Variants in DPH6 observed in about 807,000 individuals in gnomAD.
The protein encoded by DPH6 is diphthine--ammonia ligase.
A neutral mutation model predicts 38.2 loss-of-function variants in DPH6; 33 were observed. The observed-to-expected ratio is 0.86, with a 90% CI of 0.65 to 1.15. DPH6 has a LOEUF of 1.15. Among genes scored for constraint, DPH6 ranks in the 50% most tolerant of loss-of-function variants. DPH6 has a pLI of 0.00. For synonymous variants in DPH6, 108 were observed against 103.0 expected (o/e 1.05, Z -0.30); for missense variants, 325 against 320.0 (o/e 1.02, Z -0.12).
chr15:35,516,701 CT>C (rs1207103906), intron 3 of DPH6, among the ~76,000 whole-genome samples: 1 of 152,140 alleles, frequency 6.6e-6, no homozygotes, highest in Non-Finnish European at 1.5e-5. Context: ...TTTTCAACCA[CT>C]TTTTTGGTCT....
intron 5 of DPH6, among the ~76,000 whole-genome samples, chr15:35,432,817 T>C (rs1342193722): frequency 6.6e-6 from 1 of 152,096 alleles, no homozygotes; most frequent in East Asian, 1.9e-4. Context: ...TGAGTACACA[T>C]GGACACAAAG....
chr15:35,218,940 G>A (rs992460765), exon 4 of DPH6: 2 of 152,052 alleles, frequency 1.3e-5, no homozygotes, highest in African/African-American at 4.8e-5. Flanking sequence ...TTAAATCAGG[G>A]TCCTTTTCTG....
chr15:35,208,690 T>C, the DPH6 span, among the ~76,000 whole-genome samples: 1 of 152,234 alleles, frequency 6.6e-6, no homozygotes, highest in South Asian at 2.1e-4. Flanking sequence ...TGCTACATGA[T>C]TTTAATTGTA....
rs1377566357 is a variant in DPH6 at position 35,371,456 on chromosome 15, A to T, written c.*694T>A. On this transcript the variant is annotated 3_prime_UTR_variant, in exon 9 of 9. Transcript: ENST00000256538. ...GGGGAGGCTGTGAATGTGTGGAGGT[A>T]GAGGGTATATGGGAAATCTCTGCAT... is the stretch of plus-strand genomic sequence containing the variant. The T allele has an allele frequency of 2.2e-6, 1 of 452,200 alleles. No homozygotes were observed. The highest frequency in any genetic ancestry group is 2.9e-6 in the Non-Finnish European group (1 of 343,288). The allele number at this position is 452,200 out of a possible 1,614,324, so 28.0% of individuals were successfully genotyped here. A position where few individuals can be genotyped will look rare whatever the true frequency, so the allele number is the denominator to read the frequency against.
At position 35,412,978 on chromosome 15, in the gene DPH6, T is replaced by C. The variant is rs1327917270; in HGVS notation, c.506-2082A>G. Reference sequence around the variant, plus strand: ...CAGCAGTGAACCTTAATGTAAACTATGAACTTTGGGTGATTATGATGTGTC... The same window carrying C: ...CAGCAGTGAACCTTAATGTAAACTACGAACTTTGGGTGATTATGATGTGTC... On this transcript the variant is annotated intron_variant, in intron 5 of 8. Transcript: ENST00000256538. Among the ~76,000 whole-genome samples the C allele has an allele frequency of 4.2e-5, 6 of 142,544 alleles. No homozygotes were observed. In the South Asian group the frequency reaches 1.1e-3, roughly 27 times the overall value. 93.5% of individuals were successfully genotyped at this position (142,544 alleles called of 152,430 possible).
chr15:35,208,029 C>T, the DPH6 span, among the ~76,000 whole-genome samples: 1 of 152,180 alleles, frequency 6.6e-6, no homozygotes, highest in Admixed American at 6.5e-5. Flanking sequence ...ATTCTACAAA[C>T]TGTTTACTGG....
chr15:35,192,077 G>A, the DPH6 span, among the ~76,000 whole-genome samples: 1 of 152,198 alleles, frequency 6.6e-6, no homozygotes. Context: ...CGATGGTTGT[G>A]ATCTCTGATA....
In DPH6 at chr15:35,342,207, A is replaced by G. The variant is rs2052427318; in HGVS notation, n.208-11130T>C. On this transcript the variant is annotated intron_variant and non_coding_transcript_variant, in intron 3 of 3. Transcript: ENST00000558973. ...TTGCTTTGCTGGAGATCCCGGGACC[A>G]GAATATGTATAATTCCTGGTTCTCT... Among the ~76,000 whole-genome samples, 3 of 152,230 alleles carry G rather than the reference A, an allele frequency of 2.0e-5. No individual in the cohort carries two copies. In the South Asian group the frequency reaches 6.2e-4, roughly 32 times the overall value.
chr15:35,223,561 CT>C (rs2051457142), intron 3 of DPH6, among the ~76,000 whole-genome samples: 1 of 152,044 alleles, frequency 6.6e-6, no homozygotes, highest in African/African-American at 2.4e-5. Flanking sequence ...TGGTGGACGC[CT>C]GTAGTCCCAG....
At chr15:35,238,143 C>T (rs2140398441) in intron 3 of DPH6, 1 of 1,055,610 alleles carries the variant, frequency 9.5e-7, no homozygotes, top group Non-Finnish European at 1.4e-6. Flanking sequence ...CCAATCCTGC[C>T]CCCTGAAACT....
At chr15:35,238,267 C>CAAAA in intron 3 of DPH6, 1 of 234,704 alleles carries the variant, frequency 4.3e-6, no homozygotes, top group Non-Finnish European at 8.1e-6. Flanking sequence ...TTTTTACTGC[C>CAAAA]AAAAAAAAAA....
intron 3 of DPH6, among the ~76,000 whole-genome samples, chr15:35,229,029 T>C (rs1268268002): frequency 1.3e-5 from 2 of 152,194 alleles, no homozygotes; most frequent in East Asian, 3.9e-4. Context: ...TGAGGTAGTC[T>C]TCCTTGGGTT....
At position 35,445,992 on chromosome 15, in the gene DPH6, C is replaced by T. The variant is rs182246040; in HGVS notation, c.505+4693G>A. On this transcript the variant is annotated intron_variant, in intron 5 of 8. Coordinates refer to ENST00000256538, the MANE Select transcript of DPH6 (RefSeq NM_080650.4). ...TGTTTAGCGTAAATACTGTAAACCT[C>T]GAGTAACAACATGGGACCCATACGA... 5.5e-4 allele frequency among the ~76,000 whole-genome samples: 83 copies of T among 152,144 alleles called. 2 individuals are homozygous for T. In the East Asian group the frequency reaches 0.012, roughly 22 times the overall value.
chr15:35,538,255 A>T lies in DPH6; in HGVS notation c.312+19T>A, dbSNP rs772149494. ...ATTACACACTAAATCCAATATACTT[A>T]ATTGGTTACTCTGCATACCTTAACA... On this transcript the variant is annotated intron_variant, in intron 3 of 8. Coordinates refer to ENST00000256538, the MANE Select transcript of DPH6 (RefSeq NM_080650.4). 2.8e-6 allele frequency: 4 copies of T among 1,440,506 alleles called. No homozygotes were observed. The African/African-American group carries it at 5.6e-5, about 20-fold the overall frequency. The allele number at this position is 1,440,506 out of a possible 1,614,324, so 89.2% of individuals were successfully genotyped here. A position where few individuals can be genotyped will look rare whatever the true frequency, so the allele number is the denominator to read the frequency against.
intron 3 of DPH6, among the ~76,000 whole-genome samples, chr15:35,339,101 G>GC (rs2052400021): frequency 6.6e-6 from 1 of 152,058 alleles, no homozygotes. Context: ...GTTAATGGGT[G>GC]CAGCACAGCA....
rs147766477 is a variant in DPH6, at chr15:35,481,689, C to A, written c.313-26869G>T. Among the ~76,000 whole-genome samples, 595 of 151,608 alleles carry A rather than the reference C, an allele frequency of 3.9e-3. 10 individuals are homozygous for A. Among genetic ancestry groups the A allele is most frequent in the African/African-American group, 0.014 (571 of 41,332 alleles). ...GAAATATAAGACCTGGGATTTGCTT[C>A]GAAAGAATAATAGAAGGAGGGAAGT... On this transcript the variant is annotated intron_variant, in intron 3 of 8. Coordinates refer to ENST00000256538, the MANE Select transcript of DPH6 (RefSeq NM_080650.4).
the DPH6 span, among the ~76,000 whole-genome samples, chr15:35,160,891 C>T: frequency 4.0e-5 from 6 of 151,798 alleles, no homozygotes; most frequent in Admixed American, 6.6e-5. Flanking sequence ...ATTGCAAGGA[C>T]AAAAAACCAA....
At chr15:35,276,387 T>C (rs933093486) in intron 3 of DPH6, among the ~76,000 whole-genome samples, 2 of 152,384 alleles carry the variant, frequency 1.3e-5, no homozygotes, top group Middle Eastern at 3.4e-3. Context: ...GTGGGTTGTC[T>C]GTTTACTCTG....
chr15:35,420,391 T>C (rs1477516507), intron 5 of DPH6, among the ~76,000 whole-genome samples: 2 of 151,926 alleles, frequency 1.3e-5, no homozygotes, highest in Non-Finnish European at 2.9e-5. Flanking sequence ...CTCAAAGGAT[T>C]AGAAAAAGAA....
Sources: allele counts gnomAD v4.1 joint callset (sites outside exome capture counted in the v4.1 genomes callset), GRCh38; gene constraint gnomAD v4.1.1; transcripts MANE v1.5; gene names NCBI Gene and HGNC (gene_info 2026-07-23, HGNC 2026-07-21).